Variants in NR2F1-AS1 observed in about 807,000 individuals in gnomAD.
NR2F1-AS1 encodes NR2F1 regulatory antisense RNA 1.
chr5:93,520,653 T>C, intron 4 of NR2F1-AS1, among the ~76,000 whole-genome samples: 1 of 152,056 alleles, frequency 6.6e-6, no homozygotes, highest in Admixed American at 6.6e-5. Flanking sequence ...CCAGATATGG[T>C]AGAGACTCTA....
intron 4 of NR2F1-AS1, among the ~76,000 whole-genome samples, chr5:93,416,794 T>A (rs1464774835): frequency 1.3e-5 from 2 of 152,168 alleles, no homozygotes; most frequent in African/African-American, 4.8e-5. Flanking sequence ...GGTTTTTTTC[T>A]TCAATCAATA....
chr5:93,557,495 C>T (rs901436588), intron 2 of NR2F1-AS1, among the ~76,000 whole-genome samples: 1 of 152,136 alleles, frequency 6.6e-6, no homozygotes, highest in Non-Finnish European at 1.5e-5. Context: ...TATGTCTACA[C>T]TATAATGAAG....
chr5:93,475,609 A>C (rs1750467388), intron 4 of NR2F1-AS1, among the ~76,000 whole-genome samples: 1 of 152,210 alleles, frequency 6.6e-6, no homozygotes, highest in South Asian at 2.1e-4. Context: ...ATTCCTTTCG[A>C]ATCTAGAGCT....
chr5:93,580,916 A>C (rs1416630565), upstream of NR2F1-AS1: 1 of 152,306 alleles, frequency 6.6e-6, no homozygotes, highest in Non-Finnish European at 1.5e-5. Flanking sequence ...CGCGGAGTGC[A>C]TTGACAGTTC....
intron 4 of NR2F1-AS1, among the ~76,000 whole-genome samples, chr5:93,446,318 A>C (rs1749705791): frequency 6.6e-6 from 1 of 152,216 alleles, no homozygotes; most frequent in African/African-American, 2.4e-5. Context: ...TCTCAGCCCA[A>C]AATCTCCTTA....
chr5:93,449,306 G>C (rs906606747), intron 4 of NR2F1-AS1, among the ~76,000 whole-genome samples: 1 of 152,040 alleles, frequency 6.6e-6, no homozygotes, highest in African/African-American at 2.4e-5. Flanking sequence ...ACTCTCATTA[G>C]TATGAGTAGA....
At chr5:93,523,293 T>C (rs1225145735) in intron 4 of NR2F1-AS1, among the ~76,000 whole-genome samples, 1 of 152,152 alleles carries the variant, frequency 6.6e-6, no homozygotes, top group East Asian at 1.9e-4. Context: ...CAGACTGCCC[T>C]TCTGGATTCC....
intron 4 of NR2F1-AS1, among the ~76,000 whole-genome samples, chr5:93,475,054 G>A (rs1434251134): frequency 6.6e-6 from 1 of 151,708 alleles, no homozygotes; most frequent in African/African-American, 2.4e-5. Flanking sequence ...AACCTGGGAG[G>A]CGGAGCTTGC....
chr5:93,552,272 C>T (rs563528402), intron 4 of NR2F1-AS1, among the ~76,000 whole-genome samples: 1 of 152,168 alleles, frequency 6.6e-6, no homozygotes, highest in African/African-American at 2.4e-5. Flanking sequence ...AAAGTGTTCA[C>T]CAAGCTCAAT....
intron 4 of NR2F1-AS1, among the ~76,000 whole-genome samples, chr5:93,537,455 C>A (rs963181763): frequency 1.3e-5 from 2 of 151,972 alleles, no homozygotes; most frequent in Non-Finnish European, 2.9e-5. Flanking sequence ...ATATAAGGAA[C>A]TTAACAACAA....
At chr5:93,431,059 G>C (rs918467185) in intron 4 of NR2F1-AS1, among the ~76,000 whole-genome samples, 2 of 152,098 alleles carry the variant, frequency 1.3e-5, no homozygotes, top group African/African-American at 2.4e-5. Flanking sequence ...AAAAAGCCTT[G>C]AGCATTTTTT....
intron 4 of NR2F1-AS1, among the ~76,000 whole-genome samples, chr5:93,474,176 A>C (rs1457676556): frequency 1.3e-5 from 2 of 152,198 alleles, no homozygotes; most frequent in African/African-American, 4.8e-5. Flanking sequence ...CAAAATTGTC[A>C]ATCTTATCAC....
intron 4 of NR2F1-AS1, among the ~76,000 whole-genome samples, chr5:93,436,936 T>C (rs1029762676): frequency 6.6e-6 from 1 of 151,220 alleles, no homozygotes; most frequent in African/African-American, 2.4e-5. Context: ...AAGATGCCTA[T>C]ATTAGACACA....
At chr5:93,453,211 G>GTC (rs1461193749) in intron 4 of NR2F1-AS1, among the ~76,000 whole-genome samples, 6 of 151,570 alleles carry the variant, frequency 4.0e-5, no homozygotes, top group Admixed American at 3.9e-4. Context: ...AATAAAAGTG[G>GTC]CAGAATACAA....
chr5:93,467,936 C>A (rs563710703), intron 4 of NR2F1-AS1, among the ~76,000 whole-genome samples: 1 of 152,310 alleles, frequency 6.6e-6, no homozygotes, highest in South Asian at 2.1e-4. Flanking sequence ...TGATAGTTTG[C>A]TGAGAATGGT....
At position 93,440,575 on chromosome 5, in the gene NR2F1-AS1, A is replaced by G. The variant is rs1749546620; in HGVS notation, n.639-45033T>C. Among the ~76,000 whole-genome samples the G allele has an allele frequency of 3.3e-5, 5 of 152,196 alleles. No individual in the cohort carries two copies. The South Asian group carries it at 1.0e-3, about 31-fold the overall frequency. On this transcript the variant is annotated intron_variant and non_coding_transcript_variant, in intron 4 of 5. Coordinates refer to ENST00000660523, the Ensembl canonical transcript of NR2F1-AS1. ...AGACCTTCAGACTCCAGCTGGAACT[A>G]TACCACGAGCTCTCCCTAGTCTGGG...
intron 4 of NR2F1-AS1, among the ~76,000 whole-genome samples, chr5:93,433,809 T>C (rs1040143859): frequency 2.3e-4 from 35 of 152,302 alleles, no homozygotes; most frequent in African/African-American, 7.5e-4. Flanking sequence ...ATTATAAACT[T>C]AAATAATTAT....
chr5:93,506,074 G>C (rs1751179594), intron 4 of NR2F1-AS1, among the ~76,000 whole-genome samples: 1 of 152,136 alleles, frequency 6.6e-6, no homozygotes, highest in African/African-American at 2.4e-5. Flanking sequence ...ATGCTTTGCT[G>C]CTTATAAATT....
rs76743483 is a variant in NR2F1-AS1 at position 93,553,507 on chromosome 5, G to C, written n.638+254C>G. The stretch of plus-strand genomic sequence containing the variant: ...TTAGCTGGCATGTGTTATAAGGAAT[G>C]AGAATGGAGATGACAGAAGCTACTC... On this transcript the variant is annotated intron_variant and non_coding_transcript_variant, in intron 4 of 5. Transcript: ENST00000660523. Among the ~76,000 whole-genome samples the C allele has an allele frequency of 1.2e-3, 179 of 152,310 alleles. 5 individuals carry two copies. In the East Asian group the frequency reaches 0.032, roughly 27 times the overall value.
Sources: allele counts gnomAD v4.1 joint callset (sites outside exome capture counted in the v4.1 genomes callset), GRCh38; gene constraint gnomAD v4.1.1; transcripts MANE v1.5; gene names NCBI Gene and HGNC (gene_info 2026-07-23, HGNC 2026-07-21).